WNT7B: variants seen among roughly 807,000 people sequenced by gnomAD.
The protein encoded by WNT7B is protein Wnt-7b.
Under a neutral mutation model 38.2 loss-of-function variants are expected in WNT7B, and 19 were observed. That is an observed-to-expected ratio of 0.50 (90% CI 0.35 to 0.73). The LOEUF is 0.73. Ranked by LOEUF, WNT7B falls within the 30% of genes least tolerant of loss-of-function variation. The pLI is 0.01. For missense variants in WNT7B, 423 were observed against 507.9 expected (o/e 0.83, Z 1.61); for synonymous variants, 243 against 209.3 (o/e 1.16, Z -1.39).
chr22:45,928,365 G>C (rs532176181), intron 3 of WNT7B, among the ~76,000 whole-genome samples: 33 of 152,314 alleles, frequency 2.2e-4, no homozygotes, highest in African/African-American at 7.7e-4. Context: ...CTTCTCCAAG[G>C]GCTCAGACCA....
rs766005321 is a variant in WNT7B at position 45,965,725 on chromosome 22, C to T, written c.71+10959G>A. ...CAGAAGGCCTCTGGGCTTCCCATAC[C>T]CGCAGGACAGCTGCACCTCTGGTCC... On this transcript the variant is annotated intron_variant, in intron 1 of 3. Transcript: ENST00000339464. This position sits in a 1 kb window ranked among gnomAD's most constrained non-coding sequence, Gnocchi z 6.5. Among the ~76,000 whole-genome samples the T allele has an allele frequency of 1.3e-5, 2 of 152,208 alleles. No homozygotes were observed. The highest frequency in any genetic ancestry group is 2.9e-5 in the Non-Finnish European group (2 of 68,038).
chr22:45,927,990 A>G (rs1460475072), intron 3 of WNT7B, among the ~76,000 whole-genome samples: 1 of 152,172 alleles, frequency 6.6e-6, no homozygotes, highest in African/African-American at 2.4e-5. Flanking sequence ...GCGGAGGAAC[A>G]CTGGGAGCTG....
At chr22:45,971,107 A>G (rs945921024) in intron 1 of WNT7B, among the ~76,000 whole-genome samples, 2 of 146,690 alleles carry the variant, frequency 1.4e-5, no homozygotes, top group East Asian at 4.2e-4. Flanking sequence ...TCTTTATTAA[A>G]TGGGGGTGGG....
At chr22:45,932,613 C>G (rs1198264871) in intron 2 of WNT7B, among the ~76,000 whole-genome samples, 1 of 152,234 alleles carries the variant, frequency 6.6e-6, no homozygotes, top group African/African-American at 2.4e-5. Context: ...ATCCTTCCAT[C>G]CTGGCTCTGG....
intron 1 of WNT7B, among the ~76,000 whole-genome samples, chr22:45,967,208 C>G (rs1268382868): frequency 3.3e-5 from 5 of 152,318 alleles, no homozygotes; most frequent in Admixed American, 2.6e-4. Flanking sequence ...GCGGGCGGCC[C>G]GCACCACACA....
chr22:45,971,849 C>T (rs1932448126), intron 1 of WNT7B, among the ~76,000 whole-genome samples: 1 of 152,210 alleles, frequency 6.6e-6, no homozygotes, highest in South Asian at 2.1e-4. Flanking sequence ...GCGCCGCTCG[C>T]GTGCCCGCGG....
chr22:45,976,617 G>T lies in WNT7B; in HGVS notation c.71+67C>A. ...CCAGTCCCCACGTCCCCACGGGGAC[G>T]CCCCGGAGGCAGCTCCTTCGTGCTG... On this transcript the variant is annotated intron_variant, in intron 1 of 3. Coordinates refer to ENST00000339464, the MANE Select transcript of WNT7B (RefSeq NM_058238.3). This position sits in a 1 kb window ranked among gnomAD's most constrained non-coding sequence, Gnocchi z 8.5. 1 of 1,536,850 alleles carries T rather than the reference G, an allele frequency of 6.5e-7. No homozygotes were observed. Among genetic ancestry groups the T allele is most frequent in the Non-Finnish European group, 8.9e-7 (1 of 1,129,216 alleles).
At position 45,970,829 on chromosome 22, in the gene WNT7B, G is replaced by T. The variant is rs537677925; in HGVS notation, c.71+5855C>A. Among the ~76,000 whole-genome samples, 111 of 152,340 alleles carry T rather than the reference G, an allele frequency of 7.3e-4. 5 individuals carry two copies. The South Asian group carries it at 0.021, about 29-fold the overall frequency. On this transcript the variant is annotated intron_variant, in intron 1 of 3. Coordinates refer to ENST00000339464, the MANE Select transcript of WNT7B (RefSeq NM_058238.3). ...AGGGACCCTGGCACTTTATCAGCCTGGGTCCCCACTGCTCAGGCGGTCCCC... is the reference window on the plus strand; with the variant it reads ...AGGGACCCTGGCACTTTATCAGCCTTGGTCCCCACTGCTCAGGCGGTCCCC...
chr22:45,935,506 C>G (rs1234933346), intron 2 of WNT7B, among the ~76,000 whole-genome samples: 1 of 152,206 alleles, frequency 6.6e-6, no homozygotes, highest in Non-Finnish European at 1.5e-5. Flanking sequence ...CCCACCCTCC[C>G]ACATATCCAC....
chr22:45,961,956 C>T (rs901322267), intron 1 of WNT7B, among the ~76,000 whole-genome samples: 114 of 152,302 alleles, frequency 7.5e-4, no homozygotes, highest in Non-Finnish European at 1.2e-3. Context: ...ACCACAGTCC[C>T]GCCTGCCACT....
At chr22:45,971,823 C>A (rs995698246) in intron 1 of WNT7B, among the ~76,000 whole-genome samples, 1 of 152,198 alleles carries the variant, frequency 6.6e-6, no homozygotes, top group African/African-American at 2.4e-5. Context: ...TCTGCTGGGA[C>A]GCGCAGGGAA....
intron 3 of WNT7B, among the ~76,000 whole-genome samples, chr22:45,928,009 T>C (rs567201798): frequency 6.6e-6 from 1 of 152,302 alleles, no homozygotes; most frequent in South Asian, 2.1e-4. Context: ...TGAGGAATGC[T>C]GCGAGAGCCA....
chr22:45,928,628 C>CTGTCTCCCCAGGGGCCAG (rs1401211378), intron 3 of WNT7B, among the ~76,000 whole-genome samples: 1 of 76,278 alleles, frequency 1.3e-5, no homozygotes. Flanking sequence ...GTTTTCCCAC[C>CTGTCTCCCCAGGGGCCAG]TCCTGTCTCC....
rs918661119 is a variant in WNT7B, at chr22:45,966,355, C to T, written c.71+10329G>A. On this transcript the variant is annotated intron_variant, in intron 1 of 3. Transcript: ENST00000339464. This position sits in a 1 kb window ranked among gnomAD's most constrained non-coding sequence, Gnocchi z 4.2. ...CCTCCTCACCCTGGCCACGCCAATACCCACTGCGCGGAGGCCAGCTGAGAC... is the reference window on the plus strand; with the variant it reads ...CCTCCTCACCCTGGCCACGCCAATATCCACTGCGCGGAGGCCAGCTGAGAC... Among the ~76,000 whole-genome samples, 1 of 151,658 alleles carries T rather than the reference C, an allele frequency of 6.6e-6. No individual in the cohort carries two copies. The highest frequency in any genetic ancestry group is 2.4e-5 in the African/African-American group (1 of 40,944).
Position 45,975,720 on chromosome 22 carries a change from A to G in WNT7B, c.71+964T>C. On this transcript the variant is annotated intron_variant, in intron 1 of 3. Transcript: ENST00000339464. The surrounding 1 kb of genome is among the most constrained non-coding windows in gnomAD (Gnocchi z 6.6). ...GCCTGGACGGGGCTCGCCTCGGGGC[A>G]GCCGGCGGCGCACAGTAGGCGCGCA... 2 of 475,926 alleles carry G rather than the reference A, an allele frequency of 4.2e-6. No individual in the cohort carries two copies. The highest frequency in any genetic ancestry group is 7.7e-6 in the Non-Finnish European group (2 of 258,970). 29.5% of individuals were successfully genotyped at this position (475,926 alleles called of 1,614,324 possible).
At chr22:45,930,874 T>G (rs1164115385) in intron 3 of WNT7B, among the ~76,000 whole-genome samples, 1 of 152,146 alleles carries the variant, frequency 6.6e-6, no homozygotes. Flanking sequence ...GAGCATCGCG[T>G]TGGCATTCAG....
Position 45,956,907 on chromosome 22 carries a change from A to T in WNT7B, c.72-6761T>A, listed in dbSNP as rs570320999. On this transcript the variant is annotated intron_variant, in intron 1 of 3. Coordinates refer to ENST00000339464, the MANE Select transcript of WNT7B (RefSeq NM_058238.3). Reference sequence around the variant, plus strand: ...TGGATCATGAAGTCAGGAGATCGAGACCATCCTGGCCAACACGGTGAAGCC... The same window carrying T: ...TGGATCATGAAGTCAGGAGATCGAGTCCATCCTGGCCAACACGGTGAAGCC... 1.6e-4 allele frequency among the ~76,000 whole-genome samples: 25 copies of T among 152,242 alleles called. No individual in the cohort carries two copies. The South Asian group carries it at 5.2e-3, about 32-fold the overall frequency.
At chr22:45,928,295 A>C (rs1390191961) in intron 3 of WNT7B, among the ~76,000 whole-genome samples, 1 of 152,018 alleles carries the variant, frequency 6.6e-6, no homozygotes, top group Admixed American at 6.6e-5. Context: ...GTGCTTATGG[A>C]AAGTTCCAAA....
In WNT7B at chr22:45,956,501, G is replaced by A. The variant is rs543719071; in HGVS notation, c.72-6355C>T. Among the ~76,000 whole-genome samples the A allele has an allele frequency of 5.9e-5, 9 of 152,242 alleles. No individual in the cohort carries two copies. The East Asian group carries it at 7.7e-4, about 13-fold the overall frequency. On this transcript the variant is annotated intron_variant, in intron 1 of 3. Coordinates refer to ENST00000339464, the MANE Select transcript of WNT7B (RefSeq NM_058238.3). ...AATTGTGAAGCTACTGGGTATCCGCGTCAGCCACTGCACCCACCACCGATG... is the reference window on the plus strand; with the variant it reads ...AATTGTGAAGCTACTGGGTATCCGCATCAGCCACTGCACCCACCACCGATG...
Sources: gnomAD v4.1 joint callset for allele counts (sites outside exome capture counted in the v4.1 genomes callset) on GRCh38, gnomAD v4.1.1 for gene constraint, Gnocchi (gnomAD v3.1) non-coding constraint, MANE v1.5 for transcripts, NCBI Gene and HGNC (gene_info 2026-07-23, HGNC 2026-07-21) for gene names.